The following DCC variants were observed in gnomAD, a reference collection of about 807,000 sequenced individuals.
The protein encoded by DCC is netrin receptor DCC.
In DCC, 58 loss-of-function variants were observed where a neutral mutation model predicts 172.5. That is an observed-to-expected ratio of 0.34 (90% CI 0.27 to 0.42). The LOEUF (loss-of-function observed/expected upper bound fraction) is 0.42, where lower values mean the gene tolerates loss of function less well. DCC is among the 10% of genes least tolerant of loss of function. The pLI is 1.00. For missense variants in DCC, 1,740 were observed against 1,791.0 expected, an observed-to-expected ratio of 0.97 and a Z score of 0.51; for synonymous variants, 709 against 644.5, an observed-to-expected ratio of 1.10 and a Z score of -1.52.
At chr18:52,915,565 C>T (rs192796101) in intron 3 of DCC, among the ~76,000 whole-genome samples, 2 of 152,102 alleles carry the variant, frequency 1.3e-5, no homozygotes, top group East Asian at 3.9e-4. Flanking sequence ...GGCATGGGGC[C>T]TGATGATAGT....
intron 5 of DCC, among the ~76,000 whole-genome samples, chr18:52,971,969 C>A (rs2041037385): frequency 1.3e-5 from 2 of 152,188 alleles, no homozygotes; most frequent in South Asian, 4.1e-4. Context: ...ACACCACTTC[C>A]CCTCTGTCTC....
intron 13 of DCC, among the ~76,000 whole-genome samples, chr18:53,317,710 C>CGG (rs2057360377): frequency 2.0e-5 from 3 of 151,698 alleles, no homozygotes; most frequent in African/African-American, 7.3e-5. Flanking sequence ...TTGCAGCGGG[C>CGG]AGGGGGCATA....
intron 2 of DCC, among the ~76,000 whole-genome samples, chr18:52,855,773 T>C (rs2039043542): frequency 6.7e-6 from 1 of 150,080 alleles, no homozygotes; most frequent in African/African-American, 2.4e-5. Context: ...CTTTTTTTTT[T>C]TTTTTTTTTG....
intron 1 of DCC, among the ~76,000 whole-genome samples, chr18:52,366,388 G>A (rs1041344761): frequency 2.6e-5 from 4 of 152,088 alleles, no homozygotes; most frequent in South Asian, 2.1e-4. Flanking sequence ...ATGCTGGCTC[G>A]GGCAGCCTGT....
chr18:53,219,892 TTG>T (rs887704053), intron 12 of DCC, among the ~76,000 whole-genome samples: 1 of 152,092 alleles, frequency 6.6e-6, no homozygotes, highest in Non-Finnish European at 1.5e-5. Flanking sequence ...TTAACATTCT[TTG>T]TGTGTGTTTG....
At chr18:52,816,286 A>G (rs1226346148) in intron 2 of DCC, among the ~76,000 whole-genome samples, 4 of 152,186 alleles carry the variant, frequency 2.6e-5, no homozygotes, top group East Asian at 3.9e-4. Flanking sequence ...TTGAAAAGTT[A>G]TACTGAACTG....
In DCC at chr18:53,259,563, T is replaced by C. The variant is rs950215738; in HGVS notation, c.1911+43966T>C. 9.2e-5 allele frequency among the ~76,000 whole-genome samples: 14 copies of C among 152,286 alleles called. 1 individual carries two copies. In the East Asian group the frequency reaches 2.7e-3, roughly 29 times the overall value. On this transcript the variant is annotated intron_variant, in intron 12 of 28. Transcript: ENST00000442544. Reference sequence around the variant, plus strand: ...CCCCACTCTCTTCTGGCTTGTAGAGTTTCTGCCAAGAGATCTGCTGTTAGT... The same window carrying C: ...CCCCACTCTCTTCTGGCTTGTAGAGCTTCTGCCAAGAGATCTGCTGTTAGT...
chr18:52,567,009 G>T (rs556524564), intron 1 of DCC, among the ~76,000 whole-genome samples: 1 of 152,114 alleles, frequency 6.6e-6, no homozygotes. Context: ...GTGAAGTTAG[G>T]TTAAGAATAT....
chr18:52,488,576 A>G (rs376027979), intron 1 of DCC, among the ~76,000 whole-genome samples: 24 of 152,172 alleles, frequency 1.6e-4, no homozygotes, highest in African/African-American at 5.8e-4. Flanking sequence ...TCATTTCTCT[A>G]GAGATCTTCT....
Position 53,261,353 on chromosome 18 carries a change from C to T in DCC, c.1912-44225C>T, listed in dbSNP as rs577734682. ...TTCAGCCATCTTGGCTCCACACCCT[C>T]GTGAGGACGTTTTGTGTCCTCTTCT... On this transcript the variant is annotated intron_variant, in intron 12 of 28. Coordinates refer to ENST00000442544, the MANE Select transcript of DCC (RefSeq NM_005215.4). 5.9e-5 allele frequency among the ~76,000 whole-genome samples: 9 copies of T among 152,286 alleles called. 1 individual carries two copies. Among genetic ancestry groups the T allele is most frequent in the South Asian group, 2.1e-4 (1 of 4,826 alleles).
intron 15 of DCC, among the ~76,000 whole-genome samples, chr18:53,366,294 C>T (rs187326811): frequency 7.9e-5 from 12 of 152,134 alleles, no homozygotes; most frequent in Non-Finnish European, 1.6e-4. Context: ...GTGATCTGCC[C>T]GACTCAGCCT....
intron 1 of DCC, among the ~76,000 whole-genome samples, chr18:52,413,130 C>A (rs959172458): frequency 1.3e-5 from 2 of 151,338 alleles, no homozygotes; most frequent in East Asian, 1.9e-4. Flanking sequence ...CCTGAAAGAT[C>A]ATTGCTTTGG....
intron 1 of DCC, among the ~76,000 whole-genome samples, chr18:52,534,355 C>T (rs1169268938): frequency 6.6e-6 from 1 of 151,926 alleles, no homozygotes; most frequent in African/African-American, 2.4e-5. Flanking sequence ...TTTAACTTGG[C>T]CAAGTCAGTT....
chr18:52,927,124 T>TATACGTGTATATAC (rs2040224990), intron 5 of DCC, among the ~76,000 whole-genome samples: 1 of 93,660 alleles, frequency 1.1e-5, no homozygotes, highest in Non-Finnish European at 2.4e-5. Context: ...TACGTGTATA[T>TATACGTGTATATAC]ACACGTATAT....
At chr18:52,575,421 G>A (rs1287353764) in intron 1 of DCC, among the ~76,000 whole-genome samples, 4 of 152,154 alleles carry the variant, frequency 2.6e-5, no homozygotes, top group African/African-American at 9.7e-5. Context: ...GTTATTCACT[G>A]CATTTACGTG....
intron 15 of DCC, among the ~76,000 whole-genome samples, chr18:53,370,462 T>C (rs1378718419): frequency 6.6e-6 from 1 of 151,728 alleles, no homozygotes; most frequent in East Asian, 1.9e-4. Flanking sequence ...GTCTTTGTTA[T>C]TTCCTTCCTT....
intron 5 of DCC, among the ~76,000 whole-genome samples, chr18:53,021,820 T>C (rs1042692823): frequency 2.6e-5 from 4 of 152,210 alleles, no homozygotes; most frequent in African/African-American, 9.6e-5. Context: ...TTTGCACAAT[T>C]CTGGAAAACC....
At chr18:52,775,755 C>T (rs973489346) in intron 2 of DCC, among the ~76,000 whole-genome samples, 1 of 152,230 alleles carries the variant, frequency 6.6e-6, no homozygotes, top group Admixed American at 6.5e-5. Context: ...GTCTGGCCGC[C>T]TGTGTGTCTG....
At chr18:52,564,931 T>G (rs956901708) in intron 1 of DCC, among the ~76,000 whole-genome samples, 2 of 151,920 alleles carry the variant, frequency 1.3e-5, no homozygotes, top group African/African-American at 4.8e-5. Flanking sequence ...AATACTGACT[T>G]CAGTAGAAGC....
Sources: allele counts gnomAD v4.1 joint callset (sites outside exome capture counted in the v4.1 genomes callset), GRCh38; gene constraint gnomAD v4.1.1; transcripts MANE v1.5; gene names NCBI Gene and HGNC (gene_info 2026-07-23, HGNC 2026-07-21).